Variants in CNKSR3 observed in about 807,000 individuals in gnomAD.
CNKSR3 encodes the protein CNKSR family member 3, also known as connector enhancer of kinase suppressor of ras 3.
Under a neutral mutation model 67.7 loss-of-function variants are expected in CNKSR3, and 36 were observed. The observed-to-expected ratio is 0.53, with a 90% CI of 0.41 to 0.70. The LOEUF (loss-of-function observed/expected upper bound fraction) is 0.70, where lower values mean the gene tolerates loss of function less well. CNKSR3 is among the 30% of genes least tolerant of loss of function. The pLI is 0.00. For synonymous variants in CNKSR3, 281 were observed against 271.4 expected (o/e 1.04, Z -0.35); for missense variants, 630 against 695.2 (o/e 0.91, Z 1.05).
At chr6:154,431,148 T>C (rs1584076095) in intron 5 of CNKSR3, among the ~76,000 whole-genome samples, 1 of 152,074 alleles carries the variant, frequency 6.6e-6, no homozygotes, top group Admixed American at 6.6e-5. Context: ...GCATTTGTTA[T>C]AAATGACAAA....
chr6:154,473,291 A>G (rs758772933), intron 1 of CNKSR3, among the ~76,000 whole-genome samples: 1 of 152,216 alleles, frequency 6.6e-6, no homozygotes, highest in African/African-American at 2.4e-5. Context: ...TAGTGGGGCT[A>G]TTGTTAGTTT....
rs766472909 is a variant in CNKSR3, at chr6:154,430,555, G to C, written c.586C>G (p.Arg196Gly). 8.1e-6 allele frequency: 13 copies of C among 1,611,314 alleles called. No individual in the cohort carries two copies. In the Admixed American group the frequency reaches 2.0e-4, roughly 25 times the overall value. Residue 196 changes from arginine to glycine, a missense_variant, in exon 6 of 13, where the codon CGA (arginine) becomes GGA (glycine). Arg to Gly is a moderately radical substitution (Grantham distance 125). This residue lies in a region of CNKSR3 where 133 missense variants were observed against 190.6 expected (regional missense o/e 0.70). Transcript: ENST00000607772. ...VLNGICDKTI[R>G]STTDPVMSQC... ...CTCATCACAGGATCTGTGGTAGATC[G>C]GATTGTTTTGTCACAGATGCCATTT...
chr6:154,474,063 G>A (rs539999719), intron 1 of CNKSR3, among the ~76,000 whole-genome samples: 151 of 151,194 alleles, frequency 1.0e-3, no homozygotes, highest in African/African-American at 3.4e-3. Flanking sequence ...GATTACAGGC[G>A]TGAGTCACTG....
chr6:154,487,723 GC>G (rs1423886092), intron 1 of CNKSR3, among the ~76,000 whole-genome samples: 1 of 152,178 alleles, frequency 6.6e-6, no homozygotes, highest in African/African-American at 2.4e-5. Flanking sequence ...ACAGGCATGT[GC>G]TCCCACCTTT....
intron 1 of CNKSR3, among the ~76,000 whole-genome samples, chr6:154,508,958 C>G (rs1312502026): frequency 2.0e-5 from 3 of 152,152 alleles, no homozygotes; most frequent in Non-Finnish European, 2.9e-5. Context: ...CCTGGTCTTA[C>G]CAGTATTACC....
intron 2 of CNKSR3, among the ~76,000 whole-genome samples, chr6:154,443,079 G>A (rs1785635725): frequency 1.3e-5 from 2 of 151,948 alleles, no homozygotes; most frequent in African/African-American, 4.8e-5. Flanking sequence ...TGTATTTTTA[G>A]TAGAGACGGG....
chr6:154,477,109 G>C (rs917603783), intron 1 of CNKSR3, among the ~76,000 whole-genome samples: 5 of 151,880 alleles, frequency 3.3e-5, no homozygotes, highest in African/African-American at 1.2e-4. Flanking sequence ...GCCAATTTAA[G>C]GACCTAAAAA....
intron 1 of CNKSR3, among the ~76,000 whole-genome samples, chr6:154,451,156 G>A (rs114424758): frequency 1.4e-3 from 206 of 152,274 alleles, no homozygotes; most frequent in African/African-American, 4.8e-3. Context: ...ATTTTTCCAG[G>A]TCAAACACTA....
intron 11 of CNKSR3, 148 bp from the exon 12 acceptor site, chr6:154,410,580 C>T (rs1784890172): frequency 1.6e-6 from 1 of 617,168 alleles, no homozygotes; most frequent in African/African-American, 1.8e-5. Context: ...TATTTTAAAG[C>T]ACTGTATTTC....
At chr6:154,470,184 T>C (rs1461189639) in intron 1 of CNKSR3, among the ~76,000 whole-genome samples, 1 of 100,940 alleles carries the variant, frequency 9.9e-6, no homozygotes, top group Non-Finnish European at 1.9e-5. Context: ...ACCTACTTTC[T>C]TTCCTTTTTT....
At chr6:154,450,355 A>T in intron 1 of CNKSR3, 97 bp from the exon 2 acceptor site, 1 of 1,224,358 alleles carries the variant, frequency 8.2e-7, no homozygotes, top group South Asian at 1.4e-5. Flanking sequence ...AGCAATCAAC[A>T]ATTATGATGC....
Position 154,399,398 on chromosome 6 carries a change from C to T in CNKSR3, c.*6956G>A. The stretch of plus-strand genomic sequence containing the variant: ...CTATGCGAAGAAAGGGCCTTAAAAA[C>T]ATTATCTCATTTAATCACCATAAGC... On this transcript the variant is annotated 3_prime_UTR_variant, in exon 13 of 13. Transcript: ENST00000607772. 6.6e-6 allele frequency: 1 copy of T among 152,164 alleles called. No individual in the cohort carries two copies. Among genetic ancestry groups the T allele is most frequent in the Admixed American group, 6.5e-5 (1 of 15,274 alleles). 9.4% of individuals were successfully genotyped at this position (152,164 alleles called of 1,614,324 possible). A position where few individuals can be genotyped will look rare whatever the true frequency, so the allele number is the denominator to read the frequency against.
chr6:154,395,729 A>G lies in CNKSR3; in HGVS notation c.*10625T>C, dbSNP rs35021780. The G allele has an allele frequency of 0.11, 16,263 of 152,238 alleles. 1,171 individuals carry two copies. Among genetic ancestry groups the G allele is most frequent in the Admixed American group, 0.24 (3,671 of 15,272 alleles). 9.4% of individuals were successfully genotyped at this position (152,238 alleles called of 1,614,324 possible). On this transcript the variant is annotated 3_prime_UTR_variant, in exon 13 of 13. Transcript: ENST00000607772. ...TTTCACTATTTAGTCTACAGCCTAT[A>G]TATGCATGTACGTTTTGTTTGTTTG...
At chr6:154,484,222 G>A (rs1365349164) in intron 1 of CNKSR3, among the ~76,000 whole-genome samples, 5 of 152,108 alleles carry the variant, frequency 3.3e-5, no homozygotes, top group Admixed American at 2.0e-4. Context: ...TAGACTTAAC[G>A]ATGGAAGAAA....
chr6:154,493,170 G>A (rs1001733292), intron 1 of CNKSR3, among the ~76,000 whole-genome samples: 9 of 152,112 alleles, frequency 5.9e-5, no homozygotes, highest in African/African-American at 1.9e-4. Flanking sequence ...AACACTGACC[G>A]TCTCAGGACA....
rs1176734328 is a variant in CNKSR3 at position 154,403,190 on chromosome 6, T to A, written c.*3164A>T. ...TTTTAACAATCACTCTTGTAAAGTA[T>A]CCTGTCAAGGAGTTCAAGATCAGCC... is the stretch of plus-strand genomic sequence containing the variant. On this transcript the variant is annotated 3_prime_UTR_variant, in exon 13 of 13. Coordinates refer to ENST00000607772, the MANE Select transcript of CNKSR3 (RefSeq NM_173515.4). 3.3e-5 allele frequency: 5 copies of A among 152,060 alleles called. No individual in the cohort carries two copies. The highest frequency in any genetic ancestry group is 7.4e-5 in the Non-Finnish European group (5 of 68,016). 9.4% of individuals were successfully genotyped at this position (152,060 alleles called of 1,614,324 possible). A position where few individuals can be genotyped will look rare whatever the true frequency, so the allele number is the denominator to read the frequency against.
chr6:154,474,306 G>A lies in CNKSR3; in HGVS notation c.53-24048C>T, dbSNP rs539519627. Among the ~76,000 whole-genome samples the A allele has an allele frequency of 3.7e-4, 56 of 151,534 alleles. 2 individuals are homozygous for A. The South Asian group carries it at 0.012, about 31-fold the overall frequency. ...CATATGCCTGTAGTCCCAGCTACTC[G>A]GGAGGCTGAGGCAGGGGAATCGCTT... is the stretch of plus-strand genomic sequence containing the variant. On this transcript the variant is annotated intron_variant, in intron 1 of 12. Transcript: ENST00000607772.
Position 154,441,750 on chromosome 6 carries a change from AC to A in CNKSR3, c.419+337del, listed in dbSNP as rs1436848649. The stretch of plus-strand genomic sequence containing the variant: ...AGAGAAGGAATAGATTAAAAACAAA[AC>A]AAAACAAAAATTGACAGTTAACATC... On this transcript the variant is annotated intron_variant, in intron 3 of 12. Coordinates refer to ENST00000607772, the MANE Select transcript of CNKSR3 (RefSeq NM_173515.4). Among the ~76,000 whole-genome samples, 1,315 of 146,176 alleles carry A rather than the reference AC, an allele frequency of 9.0e-3. 16 individuals are homozygous for A. The highest frequency in any genetic ancestry group is 0.029 in the African/African-American group (1,190 of 41,012).
intron 4 of CNKSR3, among the ~76,000 whole-genome samples, chr6:154,440,414 C>A (rs917076377): frequency 5.3e-5 from 8 of 152,194 alleles, no homozygotes; most frequent in Admixed American, 3.9e-4. Context: ...CATTTCATAG[C>A]CTCAATTCAA....
Sources: gnomAD v4.1 joint callset for allele counts (sites outside exome capture counted in the v4.1 genomes callset) on GRCh38, gnomAD v4.1.1 for gene constraint, gnomAD v4.1.1 regional missense constraint, MANE v1.5 for transcripts, NCBI Gene and HGNC (gene_info 2026-07-23, HGNC 2026-07-21) for gene names.